The following CTR9 variants were observed in gnomAD, a reference collection of about 807,000 sequenced individuals.
CTR9 encodes the protein RNA polymerase-associated protein CTR9 homolog.
CTR9 carries 41 observed loss-of-function variants against 152.1 expected under a neutral mutation model. The ratio of observed to expected loss-of-function variants is 0.27; its 90% CI spans 0.21 to 0.35. CTR9 has a LOEUF of 0.35. Among genes scored for constraint, CTR9 ranks in the 10% least tolerant of loss-of-function variants. The probability of loss-of-function intolerance (pLI) is 1.00; values close to 1 mark genes in which losing one functional copy is unlikely to be tolerated. For synonymous variants in CTR9, 476 were observed against 496.2 expected (o/e 0.96, Z 0.54); for missense variants, 917 against 1,424.4 (o/e 0.64, Z 5.73).
At chr11:10,769,485 A>G (rs967438369) in intron 16 of CTR9, among the ~76,000 whole-genome samples, 8 of 152,222 alleles carry the variant, frequency 5.3e-5, no homozygotes, top group Non-Finnish European at 8.8e-5. Context: ...TATTACCAAT[A>G]TTCAGAGTAC....
At chr11:10,756,278 G>T (rs1228499572) in intron 4 of CTR9, among the ~76,000 whole-genome samples, 2 of 152,162 alleles carry the variant, frequency 1.3e-5, no homozygotes, top group Non-Finnish European at 2.9e-5. Context: ...TTGAAGTTCA[G>T]TGGTACAAGT....
At chr11:10,770,672 T>C in intron 18 of CTR9, 40 bp downstream of exon 18, 1 of 1,583,336 alleles carries the variant, frequency 6.3e-7, no homozygotes, top group Non-Finnish European at 8.6e-7. Flanking sequence ...ATGCTTTATT[T>C]GGTCTATGAC....
In CTR9 at chr11:10,758,249, AG is replaced by A. The variant is rs372339777; in HGVS notation, c.592+1413del. Among the ~76,000 whole-genome samples, 17 of 152,284 alleles carry A rather than the reference AG, an allele frequency of 1.1e-4. No individual in the cohort carries two copies. The South Asian group carries it at 3.3e-3, about 30-fold the overall frequency. The stretch of plus-strand genomic sequence containing the variant: ...TGACGTGATCTGACCTATATTTAAA[AG>A]GTTCGTTTGAGCTTTGGGGTTGAGA... On this transcript the variant is annotated intron_variant, in intron 5 of 24. Coordinates refer to ENST00000361367, the MANE Select transcript of CTR9 (RefSeq NM_014633.5).
At chr11:10,764,923 A>G (rs1478632545) in intron 12 of CTR9, among the ~76,000 whole-genome samples, 192 bp downstream of exon 12, 1 of 152,166 alleles carries the variant, frequency 6.6e-6, no homozygotes, top group African/African-American at 2.4e-5. Context: ...AGAAATAAGC[A>G]ACTAAAACCA....
At position 10,767,025 on chromosome 11, in the gene CTR9, ATTT is replaced by A. The variant is rs1208053746; in HGVS notation, c.1686+538_1686+540del. Reference sequence around the variant, plus strand: ...TTTTGCCAATGGGCGATACACTGATATTTTTACTTTATTCCATTCTGTTGCATT... The same window carrying A: ...TTTTGCCAATGGGCGATACACTGATATTACTTTATTCCATTCTGTTGCATT... On this transcript the variant is annotated intron_variant, in intron 13 of 24. Transcript: ENST00000361367. The surrounding 1 kb of genome is among the most constrained non-coding windows in gnomAD (Gnocchi z 4.0). 1 of 152,614 alleles carries A rather than the reference ATTT, an allele frequency of 6.6e-6. No individual in the cohort carries two copies. The highest frequency in any genetic ancestry group is 1.5e-5 in the Non-Finnish European group (1 of 68,306). The allele number at this position is 152,614 out of a possible 1,614,324, so 9.5% of individuals were successfully genotyped here.
At chr11:10,774,441 C>T (rs1206551592) in intron 22 of CTR9, 2 of 269,050 alleles carry the variant, frequency 7.4e-6, no homozygotes, top group South Asian at 8.6e-5. Flanking sequence ...TATTGGAAAA[C>T]ATGTGATTTA....
chr11:10,776,748 G>C (rs7937945), intron 24 of CTR9, among the ~76,000 whole-genome samples: 41,170 of 151,876 alleles, frequency 0.27, 6,137 homozygotes, highest in Non-Finnish European at 0.35. Flanking sequence ...CAACGTGGGC[G>C]GATCACTTGA....
At chr11:10,774,796 T>C (rs1042747917) in intron 22 of CTR9, among the ~76,000 whole-genome samples, 8 of 152,170 alleles carry the variant, frequency 5.3e-5, no homozygotes, top group African/African-American at 1.9e-4. Flanking sequence ...AACCTGCTAC[T>C]ACATTAAGAC....
At chr11:10,766,256 T>C in intron 12 of CTR9, 146 bp from the exon 13 acceptor site, 1 of 637,520 alleles carries the variant, frequency 1.6e-6, no homozygotes, top group Non-Finnish European at 2.7e-6. Flanking sequence ...GTTGGATGGA[T>C]GATTGATATT....
intron 16 of CTR9, 69 bp downstream of exon 16, chr11:10,768,560 C>G (rs1863095246): frequency 1.4e-6 from 2 of 1,478,512 alleles, no homozygotes; most frequent in African/African-American, 1.4e-5. Flanking sequence ...CTTAGCCATT[C>G]TGGCCCTGTC....
chr11:10,776,088 T>G (rs1385981164), intron 24 of CTR9, among the ~76,000 whole-genome samples: 1 of 151,876 alleles, frequency 6.6e-6, no homozygotes, highest in Admixed American at 6.6e-5. Context: ...TATTTATTTA[T>G]CTATTTATCT....
intron 24 of CTR9, 124 bp downstream of exon 24, chr11:10,775,757 G>A: frequency 3.3e-6 from 2 of 604,524 alleles, no homozygotes; most frequent in Non-Finnish European, 5.4e-6. Context: ...ATAATAAGAG[G>A]GGTGGGGACA....
chr11:10,766,432 A>G lies in CTR9; in HGVS notation c.1628A>G (p.Asp543Gly). The G allele has an allele frequency of 1.2e-6, 2 of 1,611,170 alleles. No individual in the cohort carries two copies. Among genetic ancestry groups the G allele is most frequent in the Middle Eastern group, 1.7e-4 (1 of 6,060 alleles). Reference protein sequence around the residue: ...CYLRLGAMARDKGNFYEASDW... With the variant: ...CYLRLGAMARGKGNFYEASDW... ...TTGCGCCTAGGAGCCATGGCTAGAG[A>G]TAAGGGAAACTTTTATGAGGCTTCA... The change falls in exon 13 of 25, where the codon GAT becomes GGT. Residue 543 changes from aspartate to glycine, a missense_variant. Asp to Gly is a moderately conservative substitution (Grantham distance 94, BLOSUM62 -1). Coordinates refer to ENST00000361367, the MANE Select transcript of CTR9 (RefSeq NM_014633.5).
intron 6 of CTR9, among the ~76,000 whole-genome samples, chr11:10,760,676 A>G (rs1862962528): frequency 1.3e-5 from 2 of 152,042 alleles, no homozygotes; most frequent in South Asian, 2.1e-4. Flanking sequence ...GTAGACTTGT[A>G]TATCAGTTTG....
rs1031807350 is a variant in CTR9, at chr11:10,763,694, T to G, written c.1009T>G (p.Ser337Ala). The change falls in exon 9 of 25, where the codon TCA (serine) becomes GCA (alanine). Residue 337 changes from serine (S) to alanine (A), a missense_variant. Physicochemically the swap from Ser to Ala is moderately conservative, Grantham distance 99 (BLOSUM62 1). Around this residue, in one of 9 missense-constraint regions of CTR9, gnomAD observed 133 missense variants for 244.1 expected, o/e 0.54. Coordinates refer to ENST00000361367, the MANE Select transcript of CTR9 (RefSeq NM_014633.5). Reference sequence around the variant, plus strand: ...CTATTATCAAGCCACACAGTTTGCCTCATCCTCTTTTGTGCTCCCATTTTT... The same window carrying G: ...CTATTATCAAGCCACACAGTTTGCCGCATCCTCTTTTGTGCTCCCATTTTT... ...QYYYQATQFA[S>A]SSFVLPFFGL... 2 of 1,614,058 alleles carry G rather than the reference T, an allele frequency of 1.2e-6. No homozygotes were observed. Among genetic ancestry groups the G allele is most frequent in the African/African-American group, 2.7e-5 (2 of 75,056 alleles).
intron 19 of CTR9, among the ~76,000 whole-genome samples, chr11:10,771,870 T>C (rs1323001231): frequency 6.6e-6 from 1 of 152,182 alleles, no homozygotes; most frequent in Admixed American, 6.5e-5. Flanking sequence ...GTCAGCCTAG[T>C]CAAGATAAAA....
In CTR9 at chr11:10,763,445, C is replaced by T. The variant is rs758137182; in HGVS notation, c.864C>T (p.Val288=). 1 of 1,611,354 alleles carries T rather than the reference C, an allele frequency of 6.2e-7. No individual in the cohort carries two copies. Among genetic ancestry groups the T allele is most frequent in the Non-Finnish European group, 8.5e-7 (1 of 1,178,682 alleles). ...HFFFKKDYSK[V]QHLALHAFHN... is the part of the protein sequence containing the mutation. ...TCTTTGTTCAGGATTATAGTAAAGT[C>T]CAGCATCTGGCCCTCCATGCATTCC... Residue 288 remains valine (V), a synonymous_variant, in exon 8 of 25, where the codon GTC becomes GTT. Transcript: ENST00000361367.
chr11:10,765,725 G>A lies in CTR9; in HGVS notation c.1598-677G>A, dbSNP rs986413866. On this transcript the variant is annotated intron_variant, in intron 12 of 24. Transcript: ENST00000361367. Reference sequence around the variant, plus strand: ...GATCCATCCACCATGGCCTCCCAAAGTGCTGGGATTATAGGCGTGAGCCAC... The same window carrying A: ...GATCCATCCACCATGGCCTCCCAAAATGCTGGGATTATAGGCGTGAGCCAC... Among the ~76,000 whole-genome samples the A allele has an allele frequency of 5.9e-5, 9 of 152,356 alleles. No homozygotes were observed. The East Asian group carries it at 1.5e-3, about 26-fold the overall frequency.
intron 4 of CTR9, among the ~76,000 whole-genome samples, chr11:10,756,372 A>G (rs1188573637): frequency 1.3e-5 from 2 of 152,108 alleles, no homozygotes; most frequent in Admixed American, 6.6e-5. Context: ...CCTAGTACCT[A>G]TTAGTTATTT....
Sources: allele counts gnomAD v4.1 joint callset (sites outside exome capture counted in the v4.1 genomes callset), GRCh38; gene constraint gnomAD v4.1.1; regional missense constraint gnomAD v4.1.1; non-coding constraint Gnocchi (gnomAD v3.1); transcripts MANE v1.5; gene names NCBI Gene and HGNC (gene_info 2026-07-23, HGNC 2026-07-21).